Variants in EDIL3 observed in about 807,000 individuals in gnomAD.
EDIL3 encodes the protein EGF like and discoidin domains 3.
A neutral mutation model predicts 67.4 loss-of-function variants in EDIL3; 37 were observed. That is an observed-to-expected ratio of 0.55 (90% CI 0.42 to 0.72). The LOEUF is 0.72. EDIL3 is among the 30% of genes least tolerant of loss of function. The pLI is 0.00. For missense variants in EDIL3, 527 were observed against 586.3 expected (o/e 0.90, Z 1.04); for synonymous variants, 195 against 196.3 (o/e 0.99, Z 0.05).
chr5:84,216,866 C>T (rs564643014), intron 3 of EDIL3, among the ~76,000 whole-genome samples: 1 of 152,262 alleles, frequency 6.6e-6, no homozygotes, highest in East Asian at 1.9e-4. Context: ...GCGATCTTTA[C>T]AGCATACCTC....
chr5:84,256,129 TATCTATCTATCTATCTATC>T (rs1185858918), intron 1 of EDIL3, among the ~76,000 whole-genome samples: 1 of 97,400 alleles, frequency 1.0e-5, no homozygotes, highest in African/African-American at 4.0e-5. Flanking sequence ...ACTATCTATC[TATCTATCTATCTATCTATC>T]ATCTATCTAT....
intron 9 of EDIL3, among the ~76,000 whole-genome samples, chr5:84,038,049 C>T (rs1405767935): frequency 7.3e-6 from 1 of 136,232 alleles, no homozygotes; most frequent in Non-Finnish European, 1.5e-5. Flanking sequence ...GTCACTCAGG[C>T]TGGAGTGCAG....
At chr5:84,219,940 C>G (rs1040560630) in intron 3 of EDIL3, among the ~76,000 whole-genome samples, 1 of 151,890 alleles carries the variant, frequency 6.6e-6, no homozygotes, top group Non-Finnish European at 1.5e-5. Context: ...ATGATGGTTA[C>G]CAGAGGCTGA....
chr5:84,077,958 A>C (rs895018872), intron 6 of EDIL3, among the ~76,000 whole-genome samples: 5 of 147,530 alleles, frequency 3.4e-5, no homozygotes, highest in Non-Finnish European at 7.4e-5. Flanking sequence ...GAAAATCTTC[A>C]CTATTAAAGA....
At chr5:84,297,301 A>G (rs564900691) in intron 1 of EDIL3, among the ~76,000 whole-genome samples, 1 of 152,256 alleles carries the variant, frequency 6.6e-6, no homozygotes, top group East Asian at 1.9e-4. Context: ...ACTGATCATC[A>G]GAGAAATGCA....
chr5:84,295,456 C>T (rs1746030711), intron 1 of EDIL3, among the ~76,000 whole-genome samples: 2 of 151,628 alleles, frequency 1.3e-5, no homozygotes, highest in South Asian at 2.1e-4. Flanking sequence ...GTATTAATAC[C>T]CATGATAAAA....
chr5:84,062,900 G>A (rs998094038), intron 8 of EDIL3, among the ~76,000 whole-genome samples: 9 of 152,084 alleles, frequency 5.9e-5, no homozygotes, highest in Non-Finnish European at 1.2e-4. Flanking sequence ...TCTTACCAGT[G>A]TGGCCAGCAC....
intron 6 of EDIL3, among the ~76,000 whole-genome samples, chr5:84,071,215 A>G (rs1234306160): frequency 3.9e-5 from 6 of 152,168 alleles, no homozygotes; most frequent in Admixed American, 3.9e-4. Flanking sequence ...GTCAGTACAG[A>G]TTATAATTCT....
chr5:84,373,255 T>G (rs571902297), intron 1 of EDIL3, among the ~76,000 whole-genome samples: 21 of 152,172 alleles, frequency 1.4e-4, no homozygotes, highest in African/African-American at 4.6e-4. Flanking sequence ...GATTTTGGGA[T>G]TTTAATAACC....
At chr5:84,381,697 A>C (rs1407163884) in intron 1 of EDIL3, among the ~76,000 whole-genome samples, 1 of 152,212 alleles carries the variant, frequency 6.6e-6, no homozygotes, top group Non-Finnish European at 1.5e-5. Flanking sequence ...CTTCAGGCAC[A>C]AACTGCAGGC....
At chr5:84,251,872 T>C (rs945565311) in intron 2 of EDIL3, among the ~76,000 whole-genome samples, 1 of 152,144 alleles carries the variant, frequency 6.6e-6, no homozygotes, top group Non-Finnish European at 1.5e-5. Context: ...ACAAACTAAA[T>C]ACATTTCTTC....
At chr5:84,203,842 C>T (rs1743900968) in intron 3 of EDIL3, among the ~76,000 whole-genome samples, 1 of 152,124 alleles carries the variant, frequency 6.6e-6, no homozygotes, top group African/African-American at 2.4e-5. Context: ...TTTCTATTAA[C>T]TATATCCGAA....
At chr5:84,194,861 G>A (rs925912299) in intron 3 of EDIL3, among the ~76,000 whole-genome samples, 3 of 151,778 alleles carry the variant, frequency 2.0e-5, no homozygotes, top group African/African-American at 7.3e-5. Flanking sequence ...AAAACAGTAA[G>A]GTTTCCTTCA....
In EDIL3 at chr5:84,248,887, T is replaced by C. The variant is rs1744965143; in HGVS notation, c.196+5197A>G. Among the ~76,000 whole-genome samples the C allele has an allele frequency of 2.6e-5, 4 of 152,218 alleles. No individual in the cohort carries two copies. The South Asian group carries it at 8.3e-4, about 31-fold the overall frequency. On this transcript the variant is annotated intron_variant, in intron 2 of 10. Coordinates refer to ENST00000296591, the MANE Select transcript of EDIL3 (RefSeq NM_005711.5). ...ACATTGACAGAAGCCAAGATCATCA[T>C]GTCTAGCCTCATCTGCTGCAATTGC...
At chr5:84,187,473 T>G (rs1428427988) in intron 3 of EDIL3, among the ~76,000 whole-genome samples, 1 of 152,102 alleles carries the variant, frequency 6.6e-6, no homozygotes, top group African/African-American at 2.4e-5. Context: ...GGTCAATTTT[T>G]AAAAAATATG....
chr5:84,268,267 C>T (rs921324530), intron 1 of EDIL3, among the ~76,000 whole-genome samples: 67 of 152,268 alleles, frequency 4.4e-4, no homozygotes, highest in African/African-American at 1.6e-3. Context: ...TAATGAGCAA[C>T]TTCTGGACTA....
chr5:84,285,809 AAGTTCTTAC>A (rs1165493866), intron 1 of EDIL3, among the ~76,000 whole-genome samples: 2 of 152,168 alleles, frequency 1.3e-5, no homozygotes, highest in Non-Finnish European at 2.9e-5. Flanking sequence ...CTCAGATAGA[AAGTTCTTAC>A]AGAGAAAGTG....
rs141209055 is a variant in EDIL3, at chr5:83,987,854, G to GGT, written c.1138-24496_1138-24495dup. 3.5e-5 allele frequency among the ~76,000 whole-genome samples: 4 copies of GGT among 113,070 alleles called. No individual in the cohort carries two copies. In the South Asian group the frequency reaches 1.2e-3, roughly 34 times the overall value. 74.2% of individuals were successfully genotyped at this position (113,070 alleles called of 152,430 possible). On this transcript the variant is annotated intron_variant, in intron 9 of 10. Coordinates refer to ENST00000296591, the MANE Select transcript of EDIL3 (RefSeq NM_005711.5). ...TAGAAAATCATTTTGCAGCTGATAGGGTGTGTGTGTGTATGTATATATATA... is the reference window on the plus strand; with the variant it reads ...TAGAAAATCATTTTGCAGCTGATAGGGTGTGTGTGTGTGTATGTATATATATA...
At chr5:84,082,383 A>C (rs1746986570) in intron 6 of EDIL3, among the ~76,000 whole-genome samples, 1 of 152,236 alleles carries the variant, frequency 6.6e-6, no homozygotes, top group East Asian at 1.9e-4. Flanking sequence ...TGATAAAAGA[A>C]GTCTACAAAG....
Sources: allele counts gnomAD v4.1 joint callset (sites outside exome capture counted in the v4.1 genomes callset), GRCh38; gene constraint gnomAD v4.1.1; transcripts MANE v1.5; gene names NCBI Gene and HGNC (gene_info 2026-07-23, HGNC 2026-07-21).